Variants in LRRC4C observed in about 807,000 individuals in gnomAD.
LRRC4C encodes leucine rich repeat containing 4C.
In LRRC4C, 5 loss-of-function variants were observed where a neutral mutation model predicts 33.6. The ratio of observed to expected loss-of-function variants is 0.15; its 90% CI spans 0.08 to 0.31. LRRC4C has a LOEUF of 0.31. Among genes scored for constraint, LRRC4C ranks in the 10% least tolerant of loss-of-function variants. LRRC4C has a pLI of 1.00. For missense variants in LRRC4C, 560 were observed against 796.7 expected, an observed-to-expected ratio of 0.70 and a Z score of 3.58; for synonymous variants, 329 against 302.0, an observed-to-expected ratio of 1.09 and a Z score of -0.93.
At chr11:40,836,848 T>C (rs540212598) in intron 2 of LRRC4C, among the ~76,000 whole-genome samples, 2 of 152,286 alleles carry the variant, frequency 1.3e-5, no homozygotes, top group South Asian at 2.1e-4. Context: ...GTGACCATTA[T>C]TGTTATTATT....
intron 5 of LRRC4C, among the ~76,000 whole-genome samples, chr11:40,196,073 C>A (rs1303586590): frequency 6.6e-6 from 1 of 152,164 alleles, no homozygotes; most frequent in Non-Finnish European, 1.5e-5. Flanking sequence ...GTTTGAGTGT[C>A]TTTTAACCTA....
chr11:41,016,947 C>G (rs1277837177), intron 1 of LRRC4C, among the ~76,000 whole-genome samples: 5 of 152,070 alleles, frequency 3.3e-5, no homozygotes, highest in African/African-American at 1.2e-4. Flanking sequence ...TTCAGAAATG[C>G]CAAACTCATA....
chr11:41,459,205 A>G (rs915548349), intron 1 of LRRC4C, among the ~76,000 whole-genome samples: 5 of 152,128 alleles, frequency 3.3e-5, no homozygotes, highest in Admixed American at 3.3e-4. Context: ...TTAGATAAAC[A>G]AGAGAGGTAC....
intron 2 of LRRC4C, among the ~76,000 whole-genome samples, chr11:40,833,895 G>A (rs769810120): frequency 6.6e-5 from 10 of 152,002 alleles, no homozygotes; most frequent in Admixed American, 1.3e-4. Context: ...CATGCAAATC[G>A]TTGTATTTCT....
chr11:40,536,720 C>T (rs1055104197), intron 3 of LRRC4C, among the ~76,000 whole-genome samples: 2 of 151,998 alleles, frequency 1.3e-5, no homozygotes, highest in Admixed American at 1.3e-4. Context: ...CTCTACAGGG[C>T]TTATTTGCTT....
chr11:41,377,312 A>G lies in LRRC4C; in HGVS notation c.-496+82119T>C, dbSNP rs1023697885. 2.0e-5 allele frequency among the ~76,000 whole-genome samples: 3 copies of G among 152,290 alleles called. No homozygotes were observed. The East Asian group carries it at 5.8e-4, about 29-fold the overall frequency. On this transcript the variant is annotated intron_variant, in intron 1 of 6. Transcript: ENST00000528697. ...ATATACAAAGTTCCTCTCCCCATAC[A>G]AAGAAAAATTCAGGCTTCTCAACCG...
chr11:41,442,458 CTTTTTTTTTTTT>C (rs775679545), intron 1 of LRRC4C, among the ~76,000 whole-genome samples: 2 of 84,070 alleles, frequency 2.4e-5, no homozygotes, highest in Non-Finnish European at 4.7e-5. Context: ...TTGCTTTTTT[CTTTTTTTTTTTT>C]TTTTTTTTTT....
Position 41,153,377 on chromosome 11 carries a change from T to C in LRRC4C, c.-495-219654A>G, listed in dbSNP as rs77246866. Among the ~76,000 whole-genome samples, 1,313 of 152,214 alleles carry C rather than the reference T, an allele frequency of 8.6e-3. 22 individuals are homozygous for C. The highest frequency in any genetic ancestry group is 0.03 in the African/African-American group (1,244 of 41,522). ...GAACACAGTACATGACTCACACTGT[T>C]TACTCAATAAATATGTACTGAATAA... On this transcript the variant is annotated intron_variant, in intron 1 of 6. Coordinates refer to ENST00000528697, the MANE Select transcript of LRRC4C (RefSeq NM_001258419.2).
intron 3 of LRRC4C, among the ~76,000 whole-genome samples, chr11:40,372,723 T>G (rs1295697816): frequency 6.6e-6 from 1 of 152,114 alleles, no homozygotes; most frequent in Admixed American, 6.6e-5. Flanking sequence ...GAATATATGT[T>G]GTTATCAGGA....
chr11:41,319,534 GT>G, intron 1 of LRRC4C, among the ~76,000 whole-genome samples: 1 of 152,182 alleles, frequency 6.6e-6, no homozygotes, highest in South Asian at 2.1e-4. Context: ...GGTTTTGTTT[GT>G]TTGTCTGTCT....
At chr11:40,265,097 C>T (rs568814284) in intron 4 of LRRC4C, among the ~76,000 whole-genome samples, 11 of 152,314 alleles carry the variant, frequency 7.2e-5, no homozygotes, top group African/African-American at 2.2e-4. Context: ...ACCCCCGCTC[C>T]CACTTTTAGC....
chr11:40,650,790 A>C (rs550669906), intron 2 of LRRC4C, among the ~76,000 whole-genome samples: 1 of 152,266 alleles, frequency 6.6e-6, no homozygotes, highest in African/African-American at 2.4e-5. Context: ...TGTTTTTATT[A>C]AGAAACTCTC....
intron 1 of LRRC4C, among the ~76,000 whole-genome samples, chr11:41,300,623 G>A (rs1023060829): frequency 3.9e-5 from 6 of 152,114 alleles, no homozygotes; most frequent in African/African-American, 1.4e-4. Flanking sequence ...CTTCAAGGGT[G>A]CAGTGCAGAG....
intron 1 of LRRC4C, among the ~76,000 whole-genome samples, chr11:41,112,254 A>G (rs1941875616): frequency 1.3e-5 from 2 of 152,054 alleles, no homozygotes; most frequent in Admixed American, 1.3e-4. Flanking sequence ...TTGCTCAATG[A>G]CAAAAACAAG....
At chr11:40,203,310 G>C (rs573884287) in intron 5 of LRRC4C, among the ~76,000 whole-genome samples, 1 of 152,226 alleles carries the variant, frequency 6.6e-6, no homozygotes, top group East Asian at 1.9e-4. Context: ...AAAAACAAAA[G>C]CTACAAACTA....
At chr11:41,123,133 G>C (rs992467152) in intron 1 of LRRC4C, 3 of 152,096 alleles carry the variant, frequency 2.0e-5, no homozygotes, top group Non-Finnish European at 4.4e-5. Flanking sequence ...AGTGTGGTGA[G>C]AGAGGTCAGG....
chr11:40,195,569 G>A (rs1289463919), intron 5 of LRRC4C, among the ~76,000 whole-genome samples: 2 of 151,812 alleles, frequency 1.3e-5, no homozygotes, highest in Admixed American at 1.3e-4. Flanking sequence ...ATTGAAATGA[G>A]GGGAAAAGGG....
chr11:40,411,424 G>A (rs1950151711), intron 3 of LRRC4C, among the ~76,000 whole-genome samples: 1 of 151,924 alleles, frequency 6.6e-6, no homozygotes, highest in South Asian at 2.1e-4. Context: ...ACTCCATTTG[G>A]TGTTTTAGAT....
intron 3 of LRRC4C, among the ~76,000 whole-genome samples, chr11:40,571,880 CAG>C (rs1389666932): frequency 6.6e-6 from 1 of 152,150 alleles, no homozygotes; most frequent in Non-Finnish European, 1.5e-5. Context: ...ACTCAACAAA[CAG>C]AGCCTTTCTC....
Sources: allele counts gnomAD v4.1 joint callset (sites outside exome capture counted in the v4.1 genomes callset), GRCh38; gene constraint gnomAD v4.1.1; transcripts MANE v1.5; gene names NCBI Gene and HGNC (gene_info 2026-07-23, HGNC 2026-07-21).